ZNF292: variants seen among roughly 807,000 people sequenced by gnomAD.
ZNF292 encodes the protein zinc finger protein 292.
In ZNF292, 26 loss-of-function variants were observed where a neutral mutation model predicts 217.9. The ratio of observed to expected loss-of-function variants is 0.12; its 90% CI spans 0.09 to 0.17. The LOEUF is 0.17. ZNF292 is among the 10% of genes least tolerant of loss of function. ZNF292 has a pLI of 1.00. For synonymous variants in ZNF292, 1,257 were observed against 1,124.1 expected (o/e 1.12, Z -2.37); for missense variants, 2,904 against 3,175.2 (o/e 0.91, Z 2.05).
At chr6:87,241,417 ATTTTTTTTTTT>A (rs34271239) in intron 5 of ZNF292, among the ~76,000 whole-genome samples, 1 of 124,676 alleles carries the variant, frequency 8.0e-6, no homozygotes, top group Admixed American at 8.7e-5. Flanking sequence ...AAGAGCTTGG[ATTTTTTTTTTT>A]TTTTTTTTTT....
chr6:87,231,339 C>A (rs576764695), intron 4 of ZNF292, among the ~76,000 whole-genome samples: 1 of 146,272 alleles, frequency 6.8e-6, no homozygotes, highest in Non-Finnish European at 1.5e-5. Context: ...AAAAAAAATT[C>A]TTTTTCTTAC....
rs1476445400 is a variant in ZNF292 at position 87,159,494 on chromosome 6, TC to T, written c.168+3736del. Among the ~76,000 whole-genome samples the T allele has an allele frequency of 4.8e-3, 695 of 145,314 alleles. 8 individuals carry two copies. The highest frequency in any genetic ancestry group is 0.017 in the African/African-American group (627 of 37,392). On this transcript the variant is annotated intron_variant, in intron 1 of 7. Transcript: ENST00000369577. ...CCTCCTGTCTCAGCTTTCTTTTCTT[TC>T]TTTTTTTTTTTTTTTTTTTTTAAAA...
At chr6:87,193,047 C>A (rs1771862761) in intron 1 of ZNF292, among the ~76,000 whole-genome samples, 1 of 152,148 alleles carries the variant, frequency 6.6e-6, no homozygotes, top group African/African-American at 2.4e-5. Context: ...AGCTGGAGTG[C>A]AATGGCAACT....
intron 1 of ZNF292, among the ~76,000 whole-genome samples, chr6:87,205,225 A>G (rs542762060): frequency 6.6e-6 from 1 of 151,832 alleles, no homozygotes; most frequent in Non-Finnish European, 1.5e-5. Context: ...GACATGTGCC[A>G]CTACACCTGG....
intron 1 of ZNF292, among the ~76,000 whole-genome samples, chr6:87,177,093 C>T (rs933260585): frequency 3.3e-5 from 5 of 151,992 alleles, no homozygotes; most frequent in Non-Finnish European, 7.4e-5. Flanking sequence ...TTTGGGAGGC[C>T]GAGGTGGGCA....
chr6:87,244,924 C>G (rs1774494823), intron 6 of ZNF292, among the ~76,000 whole-genome samples: 1 of 151,948 alleles, frequency 6.6e-6, no homozygotes, highest in Non-Finnish European at 1.5e-5. Context: ...GGCTCAAAGT[C>G]ATCATCTGTA....
intron 7 of ZNF292, 45 bp from the exon 8 acceptor site, chr6:87,254,605 G>A: frequency 6.8e-7 from 1 of 1,477,220 alleles, no homozygotes; most frequent in Non-Finnish European, 9.2e-7. Flanking sequence ...AATTAGTGTT[G>A]ATTAGTGTAG....
intron 5 of ZNF292, among the ~76,000 whole-genome samples, chr6:87,240,118 G>A (rs1253251992): frequency 6.6e-6 from 1 of 152,218 alleles, no homozygotes; most frequent in Non-Finnish European, 1.5e-5. Flanking sequence ...GGGAGGCCAA[G>A]GCTGGCAGAT....
At chr6:87,174,704 C>G (rs1202930811) in intron 1 of ZNF292, among the ~76,000 whole-genome samples, 1 of 152,048 alleles carries the variant, frequency 6.6e-6, no homozygotes, top group East Asian at 1.9e-4. Flanking sequence ...TTATTCTTGT[C>G]TTACGTACTA....
intron 1 of ZNF292, among the ~76,000 whole-genome samples, chr6:87,196,122 C>T (rs1771948146): frequency 6.6e-6 from 1 of 152,114 alleles, no homozygotes; most frequent in African/African-American, 2.4e-5. Flanking sequence ...TGCTTGCCTT[C>T]TAATTGTATA....
intron 1 of ZNF292, among the ~76,000 whole-genome samples, chr6:87,168,759 C>T (rs909585909): frequency 3.3e-5 from 5 of 151,778 alleles, no homozygotes; most frequent in African/African-American, 4.8e-5. Flanking sequence ...TGTGAGCCAG[C>T]GTGCCTGGCC....
chr6:87,157,953 C>A (rs1156344560), intron 1 of ZNF292, among the ~76,000 whole-genome samples: 2 of 152,302 alleles, frequency 1.3e-5, no homozygotes, highest in East Asian at 3.9e-4. Flanking sequence ...CTCAAGTGAT[C>A]CACCCACCTC....
chr6:87,235,496 A>G (rs1410535982), intron 5 of ZNF292, among the ~76,000 whole-genome samples: 3 of 152,196 alleles, frequency 2.0e-5, no homozygotes, highest in Non-Finnish European at 2.9e-5. Flanking sequence ...GAAACTGACT[A>G]TCTAAGCATA....
chr6:87,196,419 G>A (rs1419619654), intron 1 of ZNF292, among the ~76,000 whole-genome samples: 1 of 152,112 alleles, frequency 6.6e-6, no homozygotes, highest in Non-Finnish European at 1.5e-5. Context: ...TTTGTAAAAT[G>A]TCAAATCAGT....
In ZNF292 at chr6:87,233,467, T is replaced by C; in HGVS notation, c.681T>C (p.Phe227=). 1 of 1,613,572 alleles carries C rather than the reference T, an allele frequency of 6.2e-7. No individual in the cohort carries two copies. Among genetic ancestry groups the C allele is most frequent in the Non-Finnish European group, 8.5e-7 (1 of 1,179,692 alleles). Residue 227 remains phenylalanine (F), a synonymous_variant, in exon 5 of 8, where the codon TTT becomes TTC. Coordinates refer to ENST00000369577, the MANE Select transcript of ZNF292 (RefSeq NM_015021.3). ...DHPEIGIKGS[F]KQTYLVCLCT... ...CAGAGATTGGCATAAAAGGTAGTTT[T>C]AAGCAAACTTACCTTGTCTGTCTTT...
At chr6:87,174,763 C>A (rs1771227405) in intron 1 of ZNF292, among the ~76,000 whole-genome samples, 1 of 152,072 alleles carries the variant, frequency 6.6e-6, no homozygotes, top group Non-Finnish European at 1.5e-5. Flanking sequence ...AAATATATTT[C>A]TCTGGAATCA....
chr6:87,190,857 T>G (rs1771801823), intron 1 of ZNF292, among the ~76,000 whole-genome samples: 1 of 152,030 alleles, frequency 6.6e-6, no homozygotes, highest in African/African-American at 2.4e-5. Context: ...CATTTTTTCT[T>G]TACTGTTTCT....
chr6:87,155,822 C>T, intron 1 of ZNF292, 63 bp downstream of exon 1: 1 of 1,471,890 alleles, frequency 6.8e-7, no homozygotes, highest in Non-Finnish European at 9.0e-7. Context: ...GGCGAGCGAG[C>T]GCTAGGCGGC....
In ZNF292 at chr6:87,239,652, GGGGCTCCTCACTTCTC is replaced by G. The variant is rs1436866974; in HGVS notation, c.742-3822_742-3807del. Among the ~76,000 whole-genome samples the G allele has an allele frequency of 4.1e-3, 530 of 128,894 alleles. 20 individuals carry two copies. Among genetic ancestry groups the G allele is most frequent in the African/African-American group, 0.017 (503 of 28,818 alleles). 84.6% of individuals were successfully genotyped at this position (128,894 alleles called of 152,430 possible). On this transcript the variant is annotated intron_variant, in intron 5 of 7. Coordinates refer to ENST00000369577, the MANE Select transcript of ZNF292 (RefSeq NM_015021.3). ...TCAGACGGGGCGGCTGCCGGGCGGA[GGGGCTCCTCACTTCTC>G]AGACGGGGCGGCTGCCGGGCGGAGG...
Sources: allele counts gnomAD v4.1 joint callset (sites outside exome capture counted in the v4.1 genomes callset), GRCh38; gene constraint gnomAD v4.1.1; transcripts MANE v1.5; gene names NCBI Gene and HGNC (gene_info 2026-07-23, HGNC 2026-07-21).